LMNB2: variants seen among roughly 807,000 people sequenced by gnomAD.
LMNB2 encodes lamin B2.
A neutral mutation model predicts 69.3 loss-of-function variants in LMNB2; 17 were observed. The ratio of observed to expected loss-of-function variants is 0.25; its 90% CI spans 0.17 to 0.37. The LOEUF is 0.37. Among genes scored for constraint, LMNB2 ranks in the 10% least tolerant of loss-of-function variants. The pLI is 1.00. For missense variants in LMNB2, 789 were observed against 883.6 expected (o/e 0.89, Z 1.36); for synonymous variants, 397 against 389.3 (o/e 1.02, Z -0.23).
At chr19:2,450,548 CG>C (rs1406864605) in intron 1 of LMNB2, among the ~76,000 whole-genome samples, 2 of 151,862 alleles carry the variant, frequency 1.3e-5, no homozygotes, top group African/African-American at 2.4e-5. Context: ...GAGGCTGAGG[CG>C]GGCAGATCAC....
chr19:2,432,546 G>A (rs1157281587), intron 8 of LMNB2, 23 bp from the exon 9 acceptor site: 7 of 1,589,816 alleles, frequency 4.4e-6, no homozygotes, highest in Non-Finnish European at 4.3e-6. Flanking sequence ...GCACACACCT[G>A]ACCCTCAGCC....
chr19:2,445,839 C>T (rs557201064), intron 1 of LMNB2, among the ~76,000 whole-genome samples: 1 of 52,382 alleles, frequency 1.9e-5, no homozygotes, highest in Non-Finnish European at 3.5e-5. Flanking sequence ...TCGATCACAG[C>T]GATCTGTAGT....
intron 2 of LMNB2, among the ~76,000 whole-genome samples, chr19:2,441,761 C>A (rs1971902956): frequency 6.6e-6 from 1 of 152,212 alleles, no homozygotes; most frequent in African/African-American, 2.4e-5. Flanking sequence ...GGCTGGGAGA[C>A]AACCCTGGGG....
intron 4 of LMNB2, 94 bp downstream of exon 4, chr19:2,438,069 C>A: frequency 6.3e-7 from 1 of 1,584,270 alleles, no homozygotes. Context: ...GGGACCCCGG[C>A]CACACGGTGC....
chr19:2,431,101 C>T (rs1316963781), intron 11 of LMNB2, 149 bp from the exon 12 acceptor site: 4 of 701,676 alleles, frequency 5.7e-6, no homozygotes, highest in Middle Eastern at 3.7e-4. Flanking sequence ...CTTCCATGTC[C>T]CCATGAGCCC....
intron 1 of LMNB2, among the ~76,000 whole-genome samples, chr19:2,455,298 A>C (rs957430298): frequency 6.6e-6 from 1 of 150,498 alleles, no homozygotes; most frequent in East Asian, 2.0e-4. Context: ...GGGCCTCCTC[A>C]GAGGGCCTGG....
chr19:2,432,319 T>TGCC, intron 9 of LMNB2, 97 bp downstream of exon 9: 7 of 894,708 alleles, frequency 7.8e-6, no homozygotes, highest in Non-Finnish European at 1.8e-6. Flanking sequence ...GCCACCATCA[T>TGCC]CCCCACCCAC....
chr19:2,439,348 G>A (rs1017487958), intron 2 of LMNB2, among the ~76,000 whole-genome samples: 5 of 151,898 alleles, frequency 3.3e-5, no homozygotes, highest in Non-Finnish European at 5.9e-5. Flanking sequence ...GGCACCCAGG[G>A]TTCTGCAGCG....
In LMNB2 at chr19:2,448,784, G is replaced by T. The variant is rs371954349; in HGVS notation, c.265-4244C>A. 7.9e-4 allele frequency among the ~76,000 whole-genome samples: 121 copies of T among 152,296 alleles called. 1 individual carries two copies. The highest frequency in any genetic ancestry group is 2.8e-3 in the African/African-American group (115 of 41,568). ...AATTGCTTGAACCCAGGAGGCAGGG[G>T]TTGCTGTGAGCCAAGATTGGGCCAT... On this transcript the variant is annotated intron_variant, in intron 1 of 11. Coordinates refer to ENST00000325327, the MANE Select transcript of LMNB2 (RefSeq NM_032737.4).
chr19:2,443,688 T>C lies in LMNB2; in HGVS notation c.401+716A>G, dbSNP rs1248530181. 6.6e-6 allele frequency among the ~76,000 whole-genome samples: 1 copy of C among 152,198 alleles called. No individual in the cohort carries two copies. The highest frequency in any genetic ancestry group is 2.4e-5 in the African/African-American group (1 of 41,448). ...ACGCAGGGCACCAGAGACCTCGCTC[T>C]AGCTGGAGCCTCACATCAAGAAAAG... On this transcript the variant is annotated intron_variant, in intron 2 of 11. Transcript: ENST00000325327. This position sits in a 1 kb window ranked among gnomAD's most constrained non-coding sequence, Gnocchi z 6.2.
intron 11 of LMNB2, 66 bp from the exon 12 acceptor site, chr19:2,431,018 A>G (rs909586541): frequency 9.9e-7 from 1 of 1,012,764 alleles, no homozygotes; most frequent in African/African-American, 1.6e-5. Context: ...CGGCAGGTAG[A>G]TGGCTGCCCC....
Position 2,440,783 on chromosome 19 carries a change from C to T in LMNB2, c.402-2252G>A, listed in dbSNP as rs532147983. Among the ~76,000 whole-genome samples, 3 of 151,754 alleles carry T rather than the reference C, an allele frequency of 2.0e-5. No individual in the cohort carries two copies. The South Asian group carries it at 6.3e-4, about 32-fold the overall frequency. The stretch of plus-strand genomic sequence containing the variant: ...ATCATCTATCTATCCATTATCTATC[C>T]ATCATCCATCCATCTACTCATCCAT... On this transcript the variant is annotated intron_variant, in intron 2 of 11. Coordinates refer to ENST00000325327, the MANE Select transcript of LMNB2 (RefSeq NM_032737.4).
intron 2 of LMNB2, among the ~76,000 whole-genome samples, chr19:2,440,348 G>A (rs976985916): frequency 1.3e-5 from 2 of 151,656 alleles, no homozygotes; most frequent in South Asian, 2.1e-4. Flanking sequence ...GTGCCAGCAC[G>A]CCCAGATAAT....
Position 2,430,802 on chromosome 19 carries a change from C to T in LMNB2, c.*109G>A, listed in dbSNP as rs780752714. ...GACCCACCCACACGTTCTGGCAGTT[C>T]GCTTAGAAATTCTCTAGAAATGTAT... On this transcript the variant is annotated 3_prime_UTR_variant, in exon 12 of 12. Coordinates refer to ENST00000325327, the MANE Select transcript of LMNB2 (RefSeq NM_032737.4). 21 of 853,006 alleles carry T rather than the reference C, an allele frequency of 2.5e-5. No individual in the cohort carries two copies. Among genetic ancestry groups the T allele is most frequent in the East Asian group, 7.3e-5 (3 of 40,926 alleles). 52.8% of individuals were successfully genotyped at this position (853,006 alleles called of 1,614,324 possible).
At position 2,434,044 on chromosome 19, in the gene LMNB2, T is replaced by C. The variant is rs751986614; in HGVS notation, c.1264A>G (p.Ser422Gly). 4 of 1,602,382 alleles carry C rather than the reference T, an allele frequency of 2.5e-6. No homozygotes were observed. Among genetic ancestry groups the C allele is most frequent in the African/African-American group, 2.7e-5 (2 of 74,840 alleles). Reference sequence around the variant, plus strand: ...CGCCCGGTGGCGGACAAGCTGCCGCTGCTGCTCGAGGTGGCTCGTGAGACG... The same window carrying C: ...CGCCCGGTGGCGGACAAGCTGCCGCCGCTGCTCGAGGTGGCTCGTGAGACG... ...VTVSRATSSSSGSLSATGRLG... is the reference protein window; with the variant it reads ...VTVSRATSSSGGSLSATGRLG... Residue 422 changes from serine (S) to glycine (G), a missense_variant, in exon 8 of 12, where the codon AGC becomes GGC. Around this residue, in one of 3 missense-constraint regions of LMNB2, gnomAD observed 609 missense variants for 630.9 expected, o/e 0.97. Transcript: ENST00000325327.
intron 4 of LMNB2, among the ~76,000 whole-genome samples, 163 bp downstream of exon 4, chr19:2,438,000 C>A (rs78266449): frequency 1.3e-5 from 2 of 152,242 alleles, no homozygotes; most frequent in South Asian, 4.1e-4. Flanking sequence ...ACTGGGGAGA[C>A]GCAGCCGAAG....
intron 2 of LMNB2, among the ~76,000 whole-genome samples, chr19:2,440,434 T>C (rs1241215266): frequency 2.0e-5 from 3 of 151,692 alleles, no homozygotes; most frequent in African/African-American, 7.3e-5. Flanking sequence ...AAGTGATCTG[T>C]CCGCCTTGGC....
chr19:2,445,324 T>C (rs2145463936), intron 1 of LMNB2, among the ~76,000 whole-genome samples: 1 of 140,910 alleles, frequency 7.1e-6, no homozygotes, highest in East Asian at 2.1e-4. Context: ...CCCGTGCCCC[T>C]CTGTGCCCCT....
At chr19:2,450,228 G>A (rs1431487182) in intron 1 of LMNB2, among the ~76,000 whole-genome samples, 3 of 151,922 alleles carry the variant, frequency 2.0e-5, no homozygotes, top group Non-Finnish European at 4.4e-5. Context: ...CTGCACACCT[G>A]CCCAGCCCGC....
Sources: allele counts gnomAD v4.1 joint callset (sites outside exome capture counted in the v4.1 genomes callset), GRCh38; gene constraint gnomAD v4.1.1; regional missense constraint gnomAD v4.1.1; non-coding constraint Gnocchi (gnomAD v3.1); transcripts MANE v1.5; gene names NCBI Gene and HGNC (gene_info 2026-07-23, HGNC 2026-07-21).